FMO2: variants seen among roughly 807,000 people sequenced by gnomAD.
The protein encoded by FMO2 is flavin-containing monooxygenase 2.
In FMO2, 33 loss-of-function variants were observed where a neutral mutation model predicts 41.6. That is an observed-to-expected ratio of 0.79 (90% CI 0.60 to 1.06). The LOEUF is 1.06. FMO2 is among the 50% of genes least tolerant of loss of function. FMO2 has a pLI of 0.00. For missense variants in FMO2, 619 were observed against 632.9 expected, an observed-to-expected ratio of 0.98 and a Z score of 0.23; for synonymous variants, 214 against 219.6, an observed-to-expected ratio of 0.97 and a Z score of 0.23.
At chr1:171,186,351 T>C (rs1464841497) in intron 2 of FMO2, 4 of 152,952 alleles carry the variant, frequency 2.6e-5, no homozygotes, top group African/African-American at 7.2e-5. Context: ...TTTATTCTAT[T>C]AATCAAACCA....
At chr1:171,208,665 C>G in intron 8 of FMO2, 129 bp from the exon 9 acceptor site, 1 of 832,204 alleles carries the variant, frequency 1.2e-6, no homozygotes, top group Non-Finnish European at 1.9e-6. Flanking sequence ...AAACTTTCCA[C>G]CAGAGATTCA....
rs1043899797 is a variant in FMO2 at position 171,211,522 on chromosome 1, G to A, written c.*2377G>A. ...TGTCAGGTTAATGCTAAATCAGTGC[G>A]GAAATATAGCTCCACTAGGAAAATA... On this transcript the variant is annotated 3_prime_UTR_variant, in exon 9 of 9. Coordinates refer to ENST00000209929, the MANE Select transcript of FMO2 (RefSeq NM_001460.5). Among the ~76,000 whole-genome samples, 8 of 148,760 alleles carry A rather than the reference G, an allele frequency of 5.4e-5. No individual in the cohort carries two copies. Among genetic ancestry groups the A allele is most frequent in the East Asian group, 3.9e-4 (2 of 5,192 alleles).
At chr1:171,188,744 T>G (rs1230328863) in intron 2 of FMO2, among the ~76,000 whole-genome samples, 3 of 152,126 alleles carry the variant, frequency 2.0e-5, no homozygotes, top group African/African-American at 7.2e-5. Flanking sequence ...TGGGATTACT[T>G]AACATATTTG....
chr1:171,194,750 C>A (rs1291300260), intron 3 of FMO2, among the ~76,000 whole-genome samples: 2 of 152,176 alleles, frequency 1.3e-5, no homozygotes, highest in Non-Finnish European at 2.9e-5. Flanking sequence ...CAGTGTGAGA[C>A]CCTGTCTCAA....
chr1:171,205,110 G>A (rs1376813527), intron 6 of FMO2, among the ~76,000 whole-genome samples, 169 bp from the exon 7 acceptor site: 1 of 152,112 alleles, frequency 6.6e-6, no homozygotes, highest in African/African-American at 2.4e-5. Context: ...TTTGTGACAT[G>A]AGAATTAAGT....
intron 7 of FMO2, chr1:171,207,498 C>T: frequency 2.3e-6 from 1 of 430,264 alleles, no homozygotes; most frequent in Non-Finnish European, 4.1e-6. Flanking sequence ...AGCCTCTTCT[C>T]TTGGCCCTCT....
At chr1:171,202,299 C>A (rs1474426501) in intron 5 of FMO2, among the ~76,000 whole-genome samples, 1 of 152,092 alleles carries the variant, frequency 6.6e-6, no homozygotes, top group Non-Finnish European at 1.5e-5. Flanking sequence ...AATATCTAAT[C>A]AAAGTATTGC....
Position 171,205,425 on chromosome 1 carries a change from T to C in FMO2, c.974T>C (p.Ile325Thr). The stretch of plus-strand genomic sequence containing the variant: ...ACAGTGGAGGAGAACATTGATGTCA[T>C]CATTTTTGCAACAGGATATAGTTTC... ...DGTVEENIDV[I>T]IFATGYSFSF... The change falls in exon 7 of 9, where the codon ATC becomes ACC. Residue 325 changes from isoleucine to threonine, a missense_variant. By Grantham distance (89) the Ile-to-Thr change is moderately conservative. Coordinates refer to ENST00000209929, the MANE Select transcript of FMO2 (RefSeq NM_001460.5). The C allele has an allele frequency of 6.2e-7, 1 of 1,613,982 alleles. No individual in the cohort carries two copies. Among genetic ancestry groups the C allele is most frequent in the African/African-American group, 1.3e-5 (1 of 75,044 alleles).
intron 2 of FMO2, among the ~76,000 whole-genome samples, chr1:171,189,653 T>G (rs1657995330): frequency 1.7e-5 from 2 of 121,016 alleles, no homozygotes; most frequent in Non-Finnish European, 3.2e-5. Flanking sequence ...CCGTCTTTTT[T>G]CTTTTCTTTT....
In FMO2 at chr1:171,209,293, T is replaced by C; in HGVS notation, c.*148T>C. 1 of 398,500 alleles carries C rather than the reference T, an allele frequency of 2.5e-6. No individual in the cohort carries two copies. The highest frequency in any genetic ancestry group is 3.6e-5 in the East Asian group (1 of 28,022). The allele number at this position is 398,500 out of a possible 1,614,324, so 24.7% of individuals were successfully genotyped here. A position where few individuals can be genotyped will look rare whatever the true frequency, so the allele number is the denominator to read the frequency against. On this transcript the variant is annotated 3_prime_UTR_variant, in exon 9 of 9. Transcript: ENST00000209929. ...AGGTAAGGGGGAAATTGTAAAGAAT[T>C]AGCAGAATTAGGCATATGTACAAAA...
rs1029336852 is a variant in FMO2 at position 171,210,891 on chromosome 1, C to T, written c.*1746C>T. 2 of 143,300 alleles carry T rather than the reference C, an allele frequency of 1.4e-5. No homozygotes were observed. Among genetic ancestry groups the T allele is most frequent in the Non-Finnish European group, 3.0e-5 (2 of 65,800 alleles). The allele number at this position is 143,300 out of a possible 1,614,324, so 8.9% of individuals were successfully genotyped here. ...TTAAAATTCAATTAAGGTACTTCTC[C>T]CTCAGGGACGTAGAACAATGGAATG... is the stretch of plus-strand genomic sequence containing the variant. On this transcript the variant is annotated 3_prime_UTR_variant, in exon 9 of 9. Transcript: ENST00000209929.
chr1:171,186,989 T>G (rs1387650252), intron 2 of FMO2, among the ~76,000 whole-genome samples: 1 of 152,206 alleles, frequency 6.6e-6, no homozygotes, highest in Non-Finnish European at 1.5e-5. Context: ...AGTTCCGGAC[T>G]CATAGAGTTC....
At chr1:171,202,573 T>C (rs1226803880) in intron 5 of FMO2, among the ~76,000 whole-genome samples, 1 of 152,200 alleles carries the variant, frequency 6.6e-6, no homozygotes, top group Non-Finnish European at 1.5e-5. Flanking sequence ...GTACTTTATA[T>C]ATACCACCTC....
At chr1:171,207,496 C>T in intron 7 of FMO2, 3 of 426,192 alleles carry the variant, frequency 7.0e-6, no homozygotes, top group Non-Finnish European at 1.2e-5. Flanking sequence ...CCAGCCTCTT[C>T]TCTTGGCCCT....
rs980313349 is a variant in FMO2 at position 171,201,853 on chromosome 1, A to G, written c.628-2012A>G. ...GCGAAGGGGGAACCCTTATAAAACC[A>G]TCAGATCTCGTGAGAACTTACTCCC... On this transcript the variant is annotated intron_variant, in intron 5 of 8. Coordinates refer to ENST00000209929, the MANE Select transcript of FMO2 (RefSeq NM_001460.5). 9.9e-5 allele frequency among the ~76,000 whole-genome samples: 15 copies of G among 152,024 alleles called. 1 individual carries two copies. Among genetic ancestry groups the G allele is most frequent in the Admixed American group, 9.2e-4 (14 of 15,254 alleles).
At chr1:171,205,077 C>T (rs1443668939) in intron 6 of FMO2, among the ~76,000 whole-genome samples, 1 of 152,140 alleles carries the variant, frequency 6.6e-6, no homozygotes, top group Non-Finnish European at 1.5e-5. Flanking sequence ...TACATGTTTT[C>T]CCTTATTTAT....
intron 5 of FMO2, 148 bp from the exon 6 acceptor site, chr1:171,203,717 A>C (rs1658632321): frequency 1.5e-6 from 1 of 667,362 alleles, no homozygotes; most frequent in Non-Finnish European, 2.6e-6. Context: ...ACCCCTATTT[A>C]GGAGGTACTT....
At position 171,208,933 on chromosome 1, in the gene FMO2, G is replaced by A. The variant is rs368359446; in HGVS notation, c.1396G>A (p.Gly466Arg). ...DPKLAVRLYF[G>R]PCNSYQYRLV... ...TAAACTGGCTGTGAGACTCTATTTC[G>A]GACCCTGCAACTCCTATCAGTATCG... The change falls in exon 9 of 9, where the codon GGA becomes AGA. Residue 466 changes from glycine to arginine, a missense_variant. Gly to Arg is a moderately radical substitution (Grantham distance 125). Coordinates refer to ENST00000209929, the MANE Select transcript of FMO2 (RefSeq NM_001460.5). 9.2e-5 allele frequency: 149 copies of A among 1,613,800 alleles called. No homozygotes were observed. In the East Asian group the frequency reaches 2.7e-3, roughly 29 times the overall value.
intron 5 of FMO2, among the ~76,000 whole-genome samples, chr1:171,200,387 A>C (rs550969625): frequency 4.9e-4 from 74 of 152,108 alleles, no homozygotes; most frequent in Non-Finnish European, 8.7e-4. Flanking sequence ...AAAATCACTA[A>C]ACATCCTTTC....
Sources: gnomAD v4.1 joint callset for allele counts (sites outside exome capture counted in the v4.1 genomes callset) on GRCh38, gnomAD v4.1.1 for gene constraint, MANE v1.5 for transcripts, NCBI Gene and HGNC (gene_info 2026-07-23, HGNC 2026-07-21) for gene names.